KDM1B: variants seen among roughly 807,000 people sequenced by gnomAD.
KDM1B encodes lysine demethylase 1B, also known as lysine-specific histone demethylase 2.
Under a neutral mutation model 107.4 loss-of-function variants are expected in KDM1B, and 63 were observed. The observed-to-expected ratio is 0.59, with a 90% confidence interval of 0.48 to 0.72. The LOEUF (loss-of-function observed/expected upper bound fraction) is 0.72. KDM1B is among the 30% of genes least tolerant of loss of function. The pLI, the probability that KDM1B is intolerant of heterozygous loss-of-function variation, is 0.00. For missense variants in KDM1B, 749 were observed against 1,020.8 expected (o/e 0.73, Z 3.63); for synonymous variants, 363 against 363.9 (o/e 1.00, Z 0.03).
intron 5 of KDM1B, among the ~76,000 whole-genome samples, chr6:18,164,974 G>GT (rs1785201288): frequency 6.6e-6 from 1 of 151,806 alleles, no homozygotes; most frequent in Admixed American, 6.6e-5. Flanking sequence ...TACACTTATA[G>GT]TTTTTTTGTA....
intron 20 of KDM1B, among the ~76,000 whole-genome samples, chr6:18,215,879 A>G (rs1488874439): frequency 1.3e-5 from 2 of 151,962 alleles, no homozygotes; most frequent in Non-Finnish European, 1.5e-5. Flanking sequence ...TATCGCACAC[A>G]TGCAGATAGT....
rs1476547190 is a variant in KDM1B, at chr6:18,159,314, C to T, written c.-13-569C>T. On this transcript the variant is annotated intron_variant, in intron 2 of 21. Coordinates refer to ENST00000650836, the MANE Select transcript of KDM1B (RefSeq NM_001364614.2). The surrounding 1 kb of genome is among the most constrained non-coding windows in gnomAD (Gnocchi z 4.5). ...ATAAGAGATCAAAGTGCAGGAACTG[C>T]TAAGAAGACACAGTAAAATGGAGAG... Among the ~76,000 whole-genome samples the T allele has an allele frequency of 1.3e-5, 2 of 152,088 alleles. No individual in the cohort carries two copies. Among genetic ancestry groups the T allele is most frequent in the Non-Finnish European group, 2.9e-5 (2 of 68,008 alleles).
At position 18,162,184 on chromosome 6, in the gene KDM1B, G is replaced by A. The variant is rs1040862625; in HGVS notation, c.216-651G>A. ...AAAAATACACAAATTAGCTGGGCAC[G>A]GTGGCAGAAGCCTGTAATCCCAGCC... On this transcript the variant is annotated intron_variant, in intron 4 of 21. Transcript: ENST00000650836. This position sits in a 1 kb window ranked among gnomAD's most constrained non-coding sequence, Gnocchi z 4.1. Among the ~76,000 whole-genome samples the A allele has an allele frequency of 6.6e-6, 1 of 151,992 alleles. No individual in the cohort carries two copies. Among genetic ancestry groups the A allele is most frequent in the Admixed American group, 6.6e-5 (1 of 15,246 alleles).
At chr6:18,221,020 C>T (rs1167641503) in intron 21 of KDM1B, among the ~76,000 whole-genome samples, 1 of 151,818 alleles carries the variant, frequency 6.6e-6, no homozygotes, top group South Asian at 2.1e-4. Context: ...GTTGGGATTA[C>T]ATGCGTGAGC....
At chr6:18,182,580 C>A (rs895465920) in intron 7 of KDM1B, among the ~76,000 whole-genome samples, 1 of 151,844 alleles carries the variant, frequency 6.6e-6, no homozygotes, top group Non-Finnish European at 1.5e-5. Context: ...GCTCTGTCAC[C>A]CAGGCTGGAG....
Position 18,161,343 on chromosome 6 carries a change from C to T in KDM1B, c.104C>T (p.Thr35Ile), listed in dbSNP as rs115866051. ...SSGRQAKKKA[T>I]ETTDEDEDGG... ...CTCCCTTAGGCGAAGAAGAAAGCAA[C>T]AGAGACAACAGATGAGGATGAAGAT... Residue 35 changes from threonine (T) to isoleucine (I), a missense_variant, in exon 4 of 22, where the codon ACA becomes ATA. Physicochemically the swap from Thr to Ile is moderately conservative, Grantham distance 89. Coordinates refer to ENST00000650836, the MANE Select transcript of KDM1B (RefSeq NM_001364614.2). 3,161 of 1,613,848 alleles carry T rather than the reference C, an allele frequency of 2.0e-3. 41 individuals carry two copies. In the African/African-American group the frequency reaches 0.032, roughly 16 times the overall value.
At chr6:18,206,853 C>T (rs933635293) in intron 15 of KDM1B, among the ~76,000 whole-genome samples, 5 of 152,096 alleles carry the variant, frequency 3.3e-5, no homozygotes, top group Admixed American at 2.0e-4. Context: ...GTCTGTTTAC[C>T]TTGTTAAAGT....
At chr6:18,184,965 A>G (rs1051943815) in intron 7 of KDM1B, among the ~76,000 whole-genome samples, 6 of 151,794 alleles carry the variant, frequency 4.0e-5, no homozygotes, top group African/African-American at 1.2e-4. Context: ...CCTAGGCTCA[A>G]GCGATCCACC....
In KDM1B at chr6:18,211,799, G is replaced by A. The variant is rs1216364871; in HGVS notation, c.1867-689G>A. Reference sequence around the variant, plus strand: ...TCACCCTGATTCTCAGAGGTTAGTGGGGCAGATACTACCTTCATTTTATAG... The same window carrying A: ...TCACCCTGATTCTCAGAGGTTAGTGAGGCAGATACTACCTTCATTTTATAG... On this transcript the variant is annotated intron_variant, in intron 17 of 21. Transcript: ENST00000650836. The surrounding 1 kb of genome is among the most constrained non-coding windows in gnomAD (Gnocchi z 5.2). 2 of 152,180 alleles carry A rather than the reference G, an allele frequency of 1.3e-5. No homozygotes were observed. The highest frequency in any genetic ancestry group is 4.8e-5 in the African/African-American group (2 of 41,420). The allele number at this position is 152,180 out of a possible 1,614,324, so 9.4% of individuals were successfully genotyped here. A position where few individuals can be genotyped will look rare whatever the true frequency, so the allele number is the denominator to read the frequency against.
In KDM1B at chr6:18,187,794, A is replaced by G. The variant is rs1786975022; in HGVS notation, c.576A>G (p.Arg192=). The G allele has an allele frequency of 1.3e-6, 2 of 1,545,864 alleles. No homozygotes were observed. Among genetic ancestry groups the G allele is most frequent in the Non-Finnish European group, 1.7e-6 (2 of 1,142,904 alleles). The stretch of plus-strand genomic sequence containing the variant: ...TCTTCCTGTCTGGCCCATTGCAGAG[A>G]GTATTGGAAGTTTCCAACCATTGGT... ...SDHCSLPEDL[R]VLEVSNHWWY... The change falls in exon 9 of 22, where the codon AGA becomes AGG. Residue 192 remains arginine, a splice_region_variant and synonymous_variant. Transcript: ENST00000650836.
In KDM1B at chr6:18,191,112, A is replaced by T; in HGVS notation, c.785-85A>T. 8.4e-7 allele frequency: 1 copy of T among 1,194,388 alleles called. No homozygotes were observed. 74.0% of individuals were successfully genotyped at this position (1,194,388 alleles called of 1,614,324 possible). ...TAGAGAGTGGAGCTTGTCTAGGCTT[A>T]CTTTTTGGTTTGCTTTTGCCCTTTA... On this transcript the variant is annotated intron_variant, in intron 9 of 21. Transcript: ENST00000650836. The surrounding 1 kb of genome is among the most constrained non-coding windows in gnomAD (Gnocchi z 5.1).
rs779032119 is a variant in KDM1B at position 18,197,601 on chromosome 6, T to C, written c.1161T>C (p.Ile387=). 6.2e-7 allele frequency: 1 copy of C among 1,613,876 alleles called. No individual in the cohort carries two copies. The highest frequency in any genetic ancestry group is 1.7e-5 in the Admixed American group (1 of 60,028). Reference sequence around the variant, plus strand: ...TTCTTTTTAAGAAATCAGTCATCATTATCGGGGCTGGTCCAGCAGGATTAG... The same window carrying C: ...TTCTTTTTAAGAAATCAGTCATCATCATCGGGGCTGGTCCAGCAGGATTAG... The part of the protein sequence containing the change: ...PKDYHNKSVI[I]IGAGPAGLAA... The change falls in exon 12 of 22, where the codon ATT becomes ATC. Residue 387 remains isoleucine, a synonymous_variant. Coordinates refer to ENST00000650836, the MANE Select transcript of KDM1B (RefSeq NM_001364614.2). The surrounding 1 kb of genome is among the most constrained non-coding windows in gnomAD (Gnocchi z 4.5).
rs1788837217 is a variant in KDM1B, at chr6:18,211,336, C to T, written c.1867-1152C>T. 6.6e-6 allele frequency among the ~76,000 whole-genome samples: 1 copy of T among 152,164 alleles called. No homozygotes were observed. The highest frequency in any genetic ancestry group is 2.1e-4 in the South Asian group (1 of 4,834). On this transcript the variant is annotated intron_variant, in intron 17 of 21. Transcript: ENST00000650836. This position sits in a 1 kb window ranked among gnomAD's most constrained non-coding sequence, Gnocchi z 5.2. ...GATCCTAGGGTGTCATCCTGTACTGCAGATATTAGAAAGCAAATACACACA... is the reference window on the plus strand; with the variant it reads ...GATCCTAGGGTGTCATCCTGTACTGTAGATATTAGAAAGCAAATACACACA...
At chr6:18,181,806 C>G (rs1421542640) in intron 7 of KDM1B, among the ~76,000 whole-genome samples, 1 of 152,104 alleles carries the variant, frequency 6.6e-6, no homozygotes, top group South Asian at 2.1e-4. Flanking sequence ...AAACAAACTT[C>G]ATGTTTCAAT....
In KDM1B at chr6:18,217,806, T is replaced by C. The variant is rs1248834973; in HGVS notation, c.2306T>C (p.Phe769Ser). ...TDPWIQMAYS[F>S]VKTGGSGEAY... ...CCATGGATCCAGATGGCATACAGTT[T>C]TGTGAAGACAGGTGGAAGTGGGGAG... Residue 769 changes from phenylalanine (F) to serine (S), a missense_variant, in exon 21 of 22, where the codon TTT becomes TCT. Transcript: ENST00000650836. 6.2e-7 allele frequency: 1 copy of C among 1,614,066 alleles called. No homozygotes were observed. The highest frequency in any genetic ancestry group is 8.5e-7 in the Non-Finnish European group (1 of 1,179,944).
chr6:18,189,218 G>A (rs1178979891), intron 9 of KDM1B, among the ~76,000 whole-genome samples: 3 of 152,102 alleles, frequency 2.0e-5, no homozygotes, highest in Non-Finnish European at 4.4e-5. Context: ...TTTGCACTGT[G>A]GTCCTATCTT....
chr6:18,163,615 C>T (rs529391306), intron 5 of KDM1B, among the ~76,000 whole-genome samples: 1 of 152,148 alleles, frequency 6.6e-6, no homozygotes, highest in African/African-American at 2.4e-5. Context: ...CAAATTTTGA[C>T]AACTTTTATT....
chr6:18,164,080 A>G (rs1202083965), intron 5 of KDM1B, among the ~76,000 whole-genome samples: 1 of 152,184 alleles, frequency 6.6e-6, no homozygotes, highest in Non-Finnish European at 1.5e-5. Context: ...ATTTCCAACT[A>G]TAATGCAGAT....
intron 6 of KDM1B, among the ~76,000 whole-genome samples, chr6:18,168,512 T>C (rs958391213): frequency 6.6e-6 from 1 of 152,262 alleles, no homozygotes; most frequent in Admixed American, 6.5e-5. Flanking sequence ...ATTCATCTAT[T>C]GATGGACATC....
Sources: allele counts gnomAD v4.1 joint callset (sites outside exome capture counted in the v4.1 genomes callset), GRCh38; gene constraint gnomAD v4.1.1; non-coding constraint Gnocchi (gnomAD v3.1); transcripts MANE v1.5; gene names NCBI Gene and HGNC (gene_info 2026-07-23, HGNC 2026-07-21).